PBX3: variants seen among roughly 807,000 people sequenced by gnomAD.
PBX3 encodes PBX homeobox 3, also known as pre-B-cell leukemia transcription factor 3.
Under a neutral mutation model 48.5 loss-of-function variants are expected in PBX3, and 14 were observed. That is an observed-to-expected ratio of 0.29 (90% CI 0.19 to 0.45). The LOEUF (loss-of-function observed/expected upper bound fraction) is 0.45, where lower values mean the gene tolerates loss of function less well. Ranked by LOEUF, PBX3 falls within the 20% of genes least tolerant of loss-of-function variation. The pLI is 1.00. For missense variants in PBX3, 386 were observed against 546.7 expected, an observed-to-expected ratio of 0.71 and a Z score of 2.93; for synonymous variants, 210 against 200.3, an observed-to-expected ratio of 1.05 and a Z score of -0.41.
Position 125,938,981 on chromosome 9 carries a change from A to ATGTC in PBX3, c.843+3377_843+3378insCTGT, listed in dbSNP as rs1554731110. ...AAAAAAAATGTGTGTTTGCATGTAT[A>ATGTC]TGTGTGTGTGTGTGTATATAAACAC... On this transcript the variant is annotated intron_variant, in intron 5 of 8. Coordinates refer to ENST00000373489, the MANE Select transcript of PBX3 (RefSeq NM_006195.6). Among the ~76,000 whole-genome samples the ATGTC allele has an allele frequency of 5.8e-4, 88 of 151,184 alleles. 2 individuals are homozygous for ATGTC. The East Asian group carries it at 0.016, about 28-fold the overall frequency.
intron 2 of PBX3, among the ~76,000 whole-genome samples, chr9:125,804,917 A>AGATCAGGCTGAGATAAT (rs879326095): frequency 2.0e-5 from 3 of 147,044 alleles, no homozygotes; most frequent in South Asian, 2.2e-4. Flanking sequence ...ACTGCACTCC[A>AGATCAGGCTGAGATAAT]GCCTGGGTGA....
chr9:125,858,299 A>C (rs1839774380), intron 2 of PBX3, among the ~76,000 whole-genome samples: 1 of 152,224 alleles, frequency 6.6e-6, no homozygotes, highest in Non-Finnish European at 1.5e-5. Flanking sequence ...GATGAAAAGC[A>C]AGTGTGGTCT....
intron 2 of PBX3, among the ~76,000 whole-genome samples, chr9:125,836,760 T>C (rs945744314): frequency 1.3e-5 from 2 of 152,228 alleles, no homozygotes; most frequent in Non-Finnish European, 2.9e-5. Flanking sequence ...TATTGAAATA[T>C]CCTACCATAA....
chr9:125,887,221 T>C (rs989573422), intron 2 of PBX3, among the ~76,000 whole-genome samples: 4 of 152,208 alleles, frequency 2.6e-5, no homozygotes, highest in African/African-American at 4.8e-5. Flanking sequence ...GCAATTCTTA[T>C]AAACAGTTCT....
Position 125,791,197 on chromosome 9 carries a change from T to C in PBX3, c.274+42574T>C, listed in dbSNP as rs1421650790. 5.9e-5 allele frequency among the ~76,000 whole-genome samples: 9 copies of C among 152,326 alleles called. 1 individual carries two copies. The highest frequency in any genetic ancestry group is 5.9e-4 in the Admixed American group (9 of 15,308). ...TCCCAAAGTGCTGGGATTACAGGCATGAGACACCATGCCTGGCCACCCTAA... is the reference window on the plus strand; with the variant it reads ...TCCCAAAGTGCTGGGATTACAGGCACGAGACACCATGCCTGGCCACCCTAA... On this transcript the variant is annotated intron_variant, in intron 2 of 8. Transcript: ENST00000373489.
chr9:125,804,722 T>A (rs1438309013), intron 2 of PBX3, among the ~76,000 whole-genome samples: 1 of 152,026 alleles, frequency 6.6e-6, no homozygotes, highest in East Asian at 1.9e-4. Context: ...GTGGATCACC[T>A]GAGATCAGGA....
chr9:125,784,465 T>C (rs1399059983), intron 2 of PBX3, among the ~76,000 whole-genome samples: 1 of 152,190 alleles, frequency 6.6e-6, no homozygotes, highest in Non-Finnish European at 1.5e-5. Flanking sequence ...GGTTAAGAAT[T>C]GGATATTTTA....
At chr9:125,893,272 A>G (rs976387566) in intron 2 of PBX3, among the ~76,000 whole-genome samples, 1 of 152,210 alleles carries the variant, frequency 6.6e-6, no homozygotes, top group Non-Finnish European at 1.5e-5. Context: ...TTGTGACAGT[A>G]TATGTTAATA....
intron 2 of PBX3, among the ~76,000 whole-genome samples, chr9:125,839,223 G>A (rs925731373): frequency 6.6e-6 from 1 of 152,126 alleles, no homozygotes; most frequent in Non-Finnish European, 1.5e-5. Flanking sequence ...ATAGTCAAGC[G>A]CTTTACCCAC....
At chr9:125,850,395 A>G (rs946087872) in intron 2 of PBX3, among the ~76,000 whole-genome samples, 5 of 152,052 alleles carry the variant, frequency 3.3e-5, no homozygotes, top group African/African-American at 1.2e-4. Flanking sequence ...ATCTAGGTAC[A>G]CTGGAAGTTC....
chr9:125,811,739 C>G (rs1393516842), intron 2 of PBX3, among the ~76,000 whole-genome samples: 1 of 152,172 alleles, frequency 6.6e-6, no homozygotes, highest in Admixed American at 6.5e-5. Flanking sequence ...CAGATGTCTA[C>G]CTTCCTGCTG....
chr9:125,828,833 T>C (rs1476240237), intron 2 of PBX3, among the ~76,000 whole-genome samples: 3 of 152,240 alleles, frequency 2.0e-5, no homozygotes, highest in Non-Finnish European at 4.4e-5. Flanking sequence ...CTATTAAAAG[T>C]ATTTCAAAAC....
chr9:125,953,247 T>C (rs1273058772), intron 5 of PBX3, among the ~76,000 whole-genome samples: 1 of 152,072 alleles, frequency 6.6e-6, no homozygotes, highest in African/African-American at 2.4e-5. Context: ...CTTTGGGAGA[T>C]AGGTGGATCA....
At chr9:125,951,053 T>C (rs1440210332) in intron 5 of PBX3, among the ~76,000 whole-genome samples, 1 of 152,242 alleles carries the variant, frequency 6.6e-6, no homozygotes, top group African/African-American at 2.4e-5. Context: ...ATAAACTTTC[T>C]GACCTCAGTT....
intron 2 of PBX3, among the ~76,000 whole-genome samples, chr9:125,913,259 T>G (rs1449482330): frequency 6.6e-6 from 1 of 152,122 alleles, no homozygotes; most frequent in Non-Finnish European, 1.5e-5. Context: ...ATTTATAAAG[T>G]AAATACAAAG....
At chr9:125,797,145 A>G (rs1166177436) in intron 2 of PBX3, among the ~76,000 whole-genome samples, 2 of 152,184 alleles carry the variant, frequency 1.3e-5, no homozygotes, top group Non-Finnish European at 2.9e-5. Context: ...TTAATATGTT[A>G]TATCAAAAGC....
intron 3 of PBX3, among the ~76,000 whole-genome samples, chr9:125,927,983 T>C (rs1326592479): frequency 1.3e-5 from 2 of 151,804 alleles, no homozygotes; most frequent in Admixed American, 6.6e-5. Flanking sequence ...GAGTTTGAGA[T>C]CAGCCTGGGC....
chr9:125,770,296 A>G (rs904731516), intron 2 of PBX3, among the ~76,000 whole-genome samples: 14 of 152,248 alleles, frequency 9.2e-5, no homozygotes, highest in Non-Finnish European at 1.3e-4. Context: ...GTTGAAAAAA[A>G]TCTCCAGAGT....
Position 125,777,194 on chromosome 9 carries a change from A to G in PBX3, c.274+28571A>G, listed in dbSNP as rs553163349. Reference sequence around the variant, plus strand: ...GCCTAGCTAATTTTTTTGTACTTTTAGTAGAGATGGGATTTTGCCACGTTG... The same window carrying G: ...GCCTAGCTAATTTTTTTGTACTTTTGGTAGAGATGGGATTTTGCCACGTTG... On this transcript the variant is annotated intron_variant, in intron 2 of 8. Transcript: ENST00000373489. 2.2e-3 allele frequency among the ~76,000 whole-genome samples: 331 copies of G among 150,902 alleles called. 1 individual carries two copies. Among genetic ancestry groups the G allele is most frequent in the African/African-American group, 7.7e-3 (316 of 41,084 alleles).
Sources: allele counts gnomAD v4.1 joint callset (sites outside exome capture counted in the v4.1 genomes callset), GRCh38; gene constraint gnomAD v4.1.1; transcripts MANE v1.5; gene names NCBI Gene and HGNC (gene_info 2026-07-23, HGNC 2026-07-21).